ARHGAP15: variants seen among roughly 807,000 people sequenced by gnomAD.
ARHGAP15 encodes the protein Rho GTPase activating protein 15.
ARHGAP15 carries 51 observed loss-of-function variants against 63.7 expected under a neutral mutation model. The observed-to-expected ratio is 0.80, with a 90% CI of 0.64 to 1.01. The LOEUF is 1.01. ARHGAP15 is among the 50% of genes least tolerant of loss of function. The pLI is 0.00. For synonymous variants in ARHGAP15, 191 were observed against 193.8 expected (o/e 0.99, Z 0.12); for missense variants, 560 against 564.6 (o/e 0.99, Z 0.08).
chr2:143,394,855 A>G (rs1455348937), intron 6 of ARHGAP15, among the ~76,000 whole-genome samples: 3 of 152,154 alleles, frequency 2.0e-5, no homozygotes, highest in Non-Finnish European at 4.4e-5. Context: ...TGATCAGCTG[A>G]TTATCTTGCT....
intron 11 of ARHGAP15, among the ~76,000 whole-genome samples, chr2:143,611,934 T>A: frequency 6.6e-6 from 1 of 152,226 alleles, no homozygotes; most frequent in East Asian, 1.9e-4. Flanking sequence ...CTACAAATAC[T>A]ATTTAGTTCT....
chr2:143,746,011 C>A (rs1488520262), intron 13 of ARHGAP15, among the ~76,000 whole-genome samples: 1 of 152,150 alleles, frequency 6.6e-6, no homozygotes, highest in African/African-American at 2.4e-5. Flanking sequence ...GTCAAATCAG[C>A]TTTTTTCTCC....
intron 6 of ARHGAP15, among the ~76,000 whole-genome samples, chr2:143,270,919 C>T (rs776662772): frequency 3.3e-5 from 5 of 152,154 alleles, no homozygotes; most frequent in Non-Finnish European, 5.9e-5. Context: ...AATGTATATT[C>T]AAAAACATTT....
intron 6 of ARHGAP15, among the ~76,000 whole-genome samples, chr2:143,257,751 G>T (rs1440408785): frequency 6.6e-6 from 1 of 152,066 alleles, no homozygotes; most frequent in South Asian, 2.1e-4. Flanking sequence ...GAGCCACATG[G>T]AGATCAAACC....
chr2:143,484,709 T>C (rs1295767922), intron 8 of ARHGAP15, among the ~76,000 whole-genome samples: 2 of 152,200 alleles, frequency 1.3e-5, no homozygotes, highest in African/African-American at 4.8e-5. Context: ...TAAAATCTTC[T>C]GGTAGCCACA....
chr2:143,305,186 A>G (rs1207549168), intron 6 of ARHGAP15, among the ~76,000 whole-genome samples: 3 of 152,044 alleles, frequency 2.0e-5, no homozygotes, highest in Non-Finnish European at 4.4e-5. Context: ...AGGGACATGG[A>G]TGAAGCTGGA....
At chr2:143,438,099 G>C (rs746868107) in intron 8 of ARHGAP15, among the ~76,000 whole-genome samples, 1 of 152,132 alleles carries the variant, frequency 6.6e-6, no homozygotes, top group Non-Finnish European at 1.5e-5. Context: ...TATTTTGGGG[G>C]AGTCTTCTAC....
At chr2:143,715,379 A>G (rs1684767104) in intron 13 of ARHGAP15, among the ~76,000 whole-genome samples, 1 of 152,202 alleles carries the variant, frequency 6.6e-6, no homozygotes, top group African/African-American at 2.4e-5. Context: ...AACACAGCCA[A>G]ACCATATCAC....
intron 12 of ARHGAP15, among the ~76,000 whole-genome samples, chr2:143,691,871 G>A (rs1282993126): frequency 1.3e-5 from 2 of 152,108 alleles, no homozygotes; most frequent in African/African-American, 2.4e-5. Context: ...GTTTGAGGTC[G>A]TTCAATAGGT....
At chr2:143,541,691 G>A (rs925479254) in intron 10 of ARHGAP15, among the ~76,000 whole-genome samples, 8 of 152,230 alleles carry the variant, frequency 5.3e-5, no homozygotes, top group South Asian at 2.1e-4. Flanking sequence ...GCAGAACAGC[G>A]GATATTGGTG....
intron 12 of ARHGAP15, among the ~76,000 whole-genome samples, chr2:143,664,077 A>G (rs1181076901): frequency 6.6e-6 from 1 of 152,058 alleles, no homozygotes; most frequent in Non-Finnish European, 1.5e-5. Flanking sequence ...AGACATCTAC[A>G]GAACTCTCCA....
intron 4 of ARHGAP15, among the ~76,000 whole-genome samples, chr2:143,225,499 G>C (rs1311065176): frequency 1.3e-5 from 2 of 152,144 alleles, no homozygotes; most frequent in Non-Finnish European, 2.9e-5. Context: ...TACTGGGGAG[G>C]CTGAGGCAGG....
At chr2:143,373,649 A>AAAAAAAAAAAAAAC (rs1558928209) in intron 6 of ARHGAP15, among the ~76,000 whole-genome samples, 1 of 127,800 alleles carries the variant, frequency 7.8e-6, no homozygotes. Context: ...AAAAAAAAAA[A>AAAAAAAAAAAAAAC]AAAAAAAAAA....
intron 10 of ARHGAP15, among the ~76,000 whole-genome samples, chr2:143,529,211 C>A (rs1574583794): frequency 1.3e-5 from 2 of 152,048 alleles, no homozygotes; most frequent in East Asian, 3.9e-4. Flanking sequence ...AATCTATATT[C>A]CCCATTGCCC....
At chr2:143,384,179 T>C (rs945863910) in intron 6 of ARHGAP15, among the ~76,000 whole-genome samples, 1 of 152,128 alleles carries the variant, frequency 6.6e-6, no homozygotes, top group African/African-American at 2.4e-5. Context: ...TTTAAACGTA[T>C]GCCTGTTGAT....
intron 6 of ARHGAP15, among the ~76,000 whole-genome samples, chr2:143,278,056 A>G (rs1681651333): frequency 6.6e-6 from 1 of 152,162 alleles, no homozygotes; most frequent in Admixed American, 6.5e-5. Flanking sequence ...ATACTAAACA[A>G]TACAGACATT....
chr2:143,300,275 A>G (rs896774184), intron 6 of ARHGAP15, among the ~76,000 whole-genome samples: 4 of 152,060 alleles, frequency 2.6e-5, no homozygotes, highest in Non-Finnish European at 5.9e-5. Context: ...GAAGCTGAAC[A>G]GGATGAGACC....
chr2:143,233,008 G>A (rs1003258795), intron 5 of ARHGAP15, among the ~76,000 whole-genome samples: 9 of 152,094 alleles, frequency 5.9e-5, no homozygotes, highest in African/African-American at 1.9e-4. Context: ...TAAAGCTAGT[G>A]TGAGACCCTT....
At chr2:143,596,507 T>C (rs1697523631) in intron 11 of ARHGAP15, among the ~76,000 whole-genome samples, 4 of 152,096 alleles carry the variant, frequency 2.6e-5, no homozygotes, top group Admixed American at 2.6e-4. Context: ...AGGTCTTGTG[T>C]CACCCTATAT....
Sources: allele counts gnomAD v4.1 joint callset (sites outside exome capture counted in the v4.1 genomes callset), GRCh38; gene constraint gnomAD v4.1.1; transcripts MANE v1.5; gene names NCBI Gene and HGNC (gene_info 2026-07-23, HGNC 2026-07-21).